Variants in KMT2C observed in about 807,000 individuals in gnomAD.
KMT2C encodes the protein histone-lysine N-methyltransferase 2C.
KMT2C carries 88 observed loss-of-function variants against 507.9 expected under a neutral mutation model. The observed-to-expected ratio is 0.17, with a 90% CI of 0.15 to 0.21. The LOEUF is 0.21. KMT2C is among the 10% of genes least tolerant of loss of function. The pLI is 1.00. For synonymous variants in KMT2C, 2,049 were observed against 2,080.8 expected (o/e 0.98, Z 0.42); for missense variants, 4,954 against 5,957.8 (o/e 0.83, Z 5.55).
intron 2 of KMT2C, among the ~76,000 whole-genome samples, chr7:152,356,629 G>A (rs976280897): frequency 2.0e-5 from 3 of 151,236 alleles, no homozygotes; most frequent in South Asian, 2.1e-4. Flanking sequence ...GGTGACTCAC[G>A]CCTGTAATCT....
At chr7:152,383,997 C>T (rs1417619408) in intron 1 of KMT2C, among the ~76,000 whole-genome samples, 1 of 150,850 alleles carries the variant, frequency 6.6e-6, no homozygotes, top group Non-Finnish European at 1.5e-5. Context: ...AAAAAAAAAA[C>T]AAGAACTAAG....
At chr7:152,400,638 C>T (rs2097566756) in intron 1 of KMT2C, among the ~76,000 whole-genome samples, 2 of 152,212 alleles carry the variant, frequency 1.3e-5, no homozygotes, top group African/African-American at 4.8e-5. Context: ...TACCAGTCAA[C>T]TGTAAGGGCT....
rs569221216 is a variant in KMT2C, at chr7:152,361,193, T to C, written c.162-2518A>G. On this transcript the variant is annotated intron_variant, in intron 1 of 58. Transcript: ENST00000262189. ...ACCTGAAAGATGAAAAAGGGTGAAT[T>C]AGGGAGAAAACACTCTAAGGTGGAT... Among the ~76,000 whole-genome samples, 7 of 152,060 alleles carry C rather than the reference T, an allele frequency of 4.6e-5. No individual in the cohort carries two copies. In the East Asian group the frequency reaches 1.4e-3, roughly 29 times the overall value.
At chr7:152,348,827 A>G (rs6966445) in intron 2 of KMT2C, among the ~76,000 whole-genome samples, 39 of 152,184 alleles carry the variant, frequency 2.6e-4, no homozygotes, top group African/African-American at 9.4e-4. Flanking sequence ...GTAAGTACAC[A>G]GAGCAACAGA....
chr7:152,142,293 T>C (rs927255470), intron 55 of KMT2C, among the ~76,000 whole-genome samples: 1 of 152,252 alleles, frequency 6.6e-6, no homozygotes, highest in Non-Finnish European at 1.5e-5. Flanking sequence ...AAATTCTGAA[T>C]AGTGTAAACT....
chr7:152,210,451 A>G (rs1279143019), intron 23 of KMT2C, among the ~76,000 whole-genome samples: 1 of 152,224 alleles, frequency 6.6e-6, no homozygotes, highest in African/African-American at 2.4e-5. Flanking sequence ...GTCTATAACA[A>G]GCTTGTCCAA....
rs766505720 is a variant in KMT2C, at chr7:152,193,993, T to C, written c.4660+16A>G. On this transcript the variant is annotated intron_variant, in intron 31 of 58. Coordinates refer to ENST00000262189, the MANE Select transcript of KMT2C (RefSeq NM_170606.3). ...TGTGTGTGAATATAATGTAGAATTA[T>C]AAAGTCATAACATACCCTGATTGTG... 1 of 1,518,664 alleles carries C rather than the reference T, an allele frequency of 6.6e-7. No individual in the cohort carries two copies. The highest frequency in any genetic ancestry group is 8.8e-7 in the Non-Finnish European group (1 of 1,140,928). 94.1% of individuals were successfully genotyped at this position (1,518,664 alleles called of 1,614,324 possible). A position where few individuals can be genotyped will look rare whatever the true frequency, so the allele number is the denominator to read the frequency against.
chr7:152,258,277 T>C (rs1473125027), intron 9 of KMT2C, among the ~76,000 whole-genome samples: 4 of 152,144 alleles, frequency 2.6e-5, no homozygotes, highest in Non-Finnish European at 4.4e-5. Context: ...TATGGGACTA[T>C]TTCAGCCAAA....
intron 3 of KMT2C, among the ~76,000 whole-genome samples, chr7:152,317,904 GC>G (rs1191508869): frequency 1.3e-5 from 2 of 152,144 alleles, no homozygotes; most frequent in African/African-American, 2.4e-5. Flanking sequence ...ACTTTGGGAG[GC>G]CGAGACGGGC....
At chr7:152,266,623 C>G (rs1355615999) in intron 7 of KMT2C, among the ~76,000 whole-genome samples, 7 of 152,302 alleles carry the variant, frequency 4.6e-5, no homozygotes, top group Non-Finnish European at 1.0e-4. Flanking sequence ...AGTCAAGCAT[C>G]TTGAAACAGA....
In KMT2C at chr7:152,224,165, C is replaced by A. The variant is rs2094858934; in HGVS notation, c.3173G>T (p.Arg1058Ile). The A allele has an allele frequency of 3.7e-6, 6 of 1,604,084 alleles. No individual in the cohort carries two copies. Among genetic ancestry groups the A allele is most frequent in the Non-Finnish European group, 5.1e-6 (6 of 1,175,206 alleles). ...ACCTGCAGATGTTGCTCCACAGTGT[C>A]TGCACCAAACACACCTGAAATCCAA... Reference protein sequence around the residue: ...GWKCKWCVWCRHCGATSAGLR... With the variant: ...GWKCKWCVWCIHCGATSAGLR... Residue 1058 changes from arginine to isoleucine, a missense_variant, in exon 20 of 59, where the codon AGA (arginine) becomes ATA (isoleucine). Coordinates refer to ENST00000262189, the MANE Select transcript of KMT2C (RefSeq NM_170606.3).
At chr7:152,136,959 A>T (rs1016897630) in intron 58 of KMT2C, 35 bp from the exon 59 acceptor site, 1 of 1,522,332 alleles carries the variant, frequency 6.6e-7, no homozygotes, top group South Asian at 1.1e-5. Context: ...AAGAAAGGAC[A>T]GCAAGGAAGG....
intron 2 of KMT2C, among the ~76,000 whole-genome samples, chr7:152,345,037 G>T (rs1361201969): frequency 6.6e-6 from 1 of 151,802 alleles, no homozygotes; most frequent in East Asian, 1.9e-4. Flanking sequence ...AGCACAAAAA[G>T]AGTGGAAGAC....
chr7:152,218,159 C>T (rs2094636757), intron 23 of KMT2C, among the ~76,000 whole-genome samples: 1 of 152,086 alleles, frequency 6.6e-6, no homozygotes, highest in Non-Finnish European at 1.5e-5. Flanking sequence ...AAAGACATAT[C>T]TTTTCATTTA....
In KMT2C at chr7:152,151,485, C is replaced by A. The variant is rs778413356; in HGVS notation, c.12623G>T (p.Ser4208Ile). 1 of 1,614,180 alleles carries A rather than the reference C, an allele frequency of 6.2e-7. No homozygotes were observed. The highest frequency in any genetic ancestry group is 8.5e-7 in the Non-Finnish European group (1 of 1,180,010). Residue 4208 changes from serine to isoleucine, a missense_variant, in exon 50 of 59, where the codon AGT becomes ATT. Transcript: ENST00000262189. ...CCHCKVVILGSGVRKSFKDLT... is the reference protein window; with the variant it reads ...CCHCKVVILGIGVRKSFKDLT... ...ATCTTTGAAAGATTTCCGCACACCA[C>A]TTCCAAGAATAACCACTTTACAATG...
At chr7:152,322,311 C>G (rs1048533616) in intron 3 of KMT2C, among the ~76,000 whole-genome samples, 2 of 151,844 alleles carry the variant, frequency 1.3e-5, no homozygotes, top group Non-Finnish European at 2.9e-5. Context: ...TGCAGAAAGC[C>G]AAGATCACAC....
intron 1 of KMT2C, among the ~76,000 whole-genome samples, chr7:152,361,116 C>G (rs1727550825): frequency 1.3e-5 from 2 of 151,934 alleles, no homozygotes; most frequent in South Asian, 4.2e-4. Context: ...TCACTTCAAA[C>G]TTCACAGGGG....
At position 152,393,151 on chromosome 7, in the gene KMT2C, CAT is replaced by C. The variant is rs1294007529; in HGVS notation, c.162-34478_162-34477del. ...CCCAATGCTACCTCTATAACTCACA[CAT>C]GATAGTTTTATAAAGATAACTACCT... On this transcript the variant is annotated intron_variant, in intron 1 of 58. Transcript: ENST00000262189. 2.0e-5 allele frequency among the ~76,000 whole-genome samples: 3 copies of C among 152,138 alleles called. No homozygotes were observed. In the South Asian group the frequency reaches 6.2e-4, roughly 32 times the overall value.
At chr7:152,346,944 G>A (rs946195018) in intron 2 of KMT2C, among the ~76,000 whole-genome samples, 10 of 152,086 alleles carry the variant, frequency 6.6e-5, no homozygotes, top group African/African-American at 7.2e-5. Context: ...TGGCTAACAC[G>A]GTGAAACCCC....
Sources: allele counts gnomAD v4.1 joint callset (sites outside exome capture counted in the v4.1 genomes callset), GRCh38; gene constraint gnomAD v4.1.1; transcripts MANE v1.5; gene names NCBI Gene and HGNC (gene_info 2026-07-23, HGNC 2026-07-21).